Variants in SRSF3 observed in about 807,000 individuals in gnomAD.
SRSF3 encodes serine/arginine-rich splicing factor 3.
For missense variants in SRSF3, 58 were observed against 217.1 expected, an observed-to-expected ratio of 0.27 and a Z score of 4.61; for synonymous variants, 87 against 73.6, an observed-to-expected ratio of 1.18 and a Z score of -0.93.
intron 4 of SRSF3, 41 bp downstream of exon 4, chr6:36,601,231 A>G: frequency 6.2e-7 from 1 of 1,609,678 alleles, no homozygotes; most frequent in Admixed American, 1.7e-5. Context: ...TAGAAATGGC[A>G]GTGTTTCTGC....
In SRSF3 at chr6:36,602,730, A is replaced by G. The variant is rs1392956434; in HGVS notation, c.*741A>G. The G allele has an allele frequency of 3.8e-5, 8 of 211,374 alleles. No individual in the cohort carries two copies. Among genetic ancestry groups the G allele is most frequent in the Non-Finnish European group, 6.7e-5 (7 of 104,078 alleles). The allele number at this position is 211,374 out of a possible 1,614,324, so 13.1% of individuals were successfully genotyped here. A position where few individuals can be genotyped will look rare whatever the true frequency, so the allele number is the denominator to read the frequency against. On this transcript the variant is annotated 3_prime_UTR_variant, in exon 6 of 6. Transcript: ENST00000373715. Reference sequence around the variant, plus strand: ...TTTTTTTTTCATGCTGTCATTTGTAATATGTTTTGTGAGAATCCTTGGGAT... The same window carrying G: ...TTTTTTTTTCATGCTGTCATTTGTAGTATGTTTTGTGAGAATCCTTGGGAT...
intron 2 of SRSF3, 27 bp downstream of exon 2, chr6:36,596,995 A>C: frequency 6.2e-7 from 1 of 1,607,478 alleles, no homozygotes; most frequent in Non-Finnish European, 8.5e-7. Flanking sequence ...GCTGATAAAA[A>C]TGTGTTGCTT....
intron 1 of SRSF3, among the ~76,000 whole-genome samples, chr6:36,596,245 A>AC (rs1213218979): frequency 6.6e-6 from 1 of 152,070 alleles, no homozygotes; most frequent in Non-Finnish European, 1.5e-5. Flanking sequence ...TTTAAAAGTG[A>AC]AAATCGTTGG....
At chr6:36,597,623 AT>A (rs1193752249) in intron 2 of SRSF3, among the ~76,000 whole-genome samples, 4 of 151,528 alleles carry the variant, frequency 2.6e-5, no homozygotes, top group Non-Finnish European at 4.4e-5. Flanking sequence ...CTTTCCTCAT[AT>A]TTGGAAGTAT....
rs146505181 is a variant in SRSF3 at position 36,603,172 on chromosome 6, A to G, written c.*1183A>G. On this transcript the variant is annotated 3_prime_UTR_variant, in exon 6 of 6. Transcript: ENST00000373715. ...AGCAGCAACCTGGTTCTTAAACACA[A>G]AGTAAGTTGCCCATTAACAAATGGC... is the stretch of plus-strand genomic sequence containing the variant. The G allele has an allele frequency of 4.2e-4, 94 of 223,870 alleles. No homozygotes were observed. The Admixed American group carries it at 4.3e-3, about 10-fold the overall frequency. 13.9% of individuals were successfully genotyped at this position (223,870 alleles called of 1,614,324 possible).
chr6:36,597,094 G>GTT, intron 2 of SRSF3, 126 bp downstream of exon 2: 11 of 614,060 alleles, frequency 1.8e-5, no homozygotes, highest in Admixed American at 3.2e-5. Context: ...ATACAATTGG[G>GTT]ATCTTTTTTT....
intron 2 of SRSF3, among the ~76,000 whole-genome samples, chr6:36,597,398 G>A (rs2127505102): frequency 6.6e-6 from 1 of 152,240 alleles, no homozygotes; most frequent in African/African-American, 2.4e-5. Flanking sequence ...GAGCCACTGT[G>A]CCCAGCCAGG....
In SRSF3 at chr6:36,601,161, A is replaced by G. The variant is rs1461426127; in HGVS notation, c.351A>G (p.Arg117=). 2.5e-6 allele frequency: 4 copies of G among 1,613,216 alleles called. No homozygotes were observed. The highest frequency in any genetic ancestry group is 2.7e-5 in the African/African-American group (2 of 74,762). ...RSPPPRRRSP[R]RRSFSRSRSR... ...CTGTTTCTGCTTTTAGATCTCCAAGAAGGAGAAGCTTCTCTCGCAGCCGGA... is the reference window on the plus strand; with the variant it reads ...CTGTTTCTGCTTTTAGATCTCCAAGGAGGAGAAGCTTCTCTCGCAGCCGGA... The change falls in exon 4 of 6, where the codon AGA becomes AGG. Residue 117 remains arginine, a synonymous_variant. Coordinates refer to ENST00000373715, the MANE Select transcript of SRSF3 (RefSeq NM_003017.5).
At chr6:36,597,077 T>G (rs1401170827) in intron 2 of SRSF3, 109 bp downstream of exon 2, 2 of 769,900 alleles carry the variant, frequency 2.6e-6, no homozygotes, top group Non-Finnish European at 4.3e-6. Context: ...GCCAATTGTA[T>G]CTTTAGATAC....
intron 2 of SRSF3, among the ~76,000 whole-genome samples, chr6:36,597,455 A>T (rs1172928658): frequency 6.6e-6 from 1 of 152,138 alleles, no homozygotes; most frequent in Non-Finnish European, 1.5e-5. Flanking sequence ...TGTTTAAAAA[A>T]TTGTTTACAA....
At chr6:36,600,037 C>T in intron 3 of SRSF3, 1 of 1,241,214 alleles carries the variant, frequency 8.1e-7, no homozygotes, top group Non-Finnish European at 1.0e-6. Context: ...CGGCAGCAGC[C>T]ACCTCGACCG....
intron 1 of SRSF3, among the ~76,000 whole-genome samples, chr6:36,595,528 A>G (rs1054955682): frequency 6.6e-6 from 1 of 152,236 alleles, no homozygotes; most frequent in African/African-American, 2.4e-5. Context: ...AGTCCCTAGC[A>G]ACCACTAATC....
chr6:36,596,091 A>ATT (rs140081610), intron 1 of SRSF3, among the ~76,000 whole-genome samples: 4,006 of 152,050 alleles, frequency 0.026, 61 homozygotes, highest in African/African-American at 0.039. Context: ...TGCCCGGCTA[A>ATT]TTTTTGTATT....
Position 36,604,696 on chromosome 6 carries a change from T to C in SRSF3, c.*2707T>C, listed in dbSNP as rs1778782679. On this transcript the variant is annotated 3_prime_UTR_variant, in exon 6 of 6. Transcript: ENST00000373715. The stretch of plus-strand genomic sequence containing the variant: ...GTGGATGGAAAATCCAGGTTATTAC[T>C]ACATTCATTTTAGTACAGTGCTGCC... The C allele has an allele frequency of 6.4e-6, 1 of 156,074 alleles. No individual in the cohort carries two copies. The highest frequency in any genetic ancestry group is 2.4e-5 in the African/African-American group (1 of 41,592). 9.7% of individuals were successfully genotyped at this position (156,074 alleles called of 1,614,324 possible).
rs1778741902 is a variant in SRSF3 at position 36,602,921 on chromosome 6, G to A, written c.*932G>A. 4.7e-6 allele frequency: 1 copy of A among 213,706 alleles called. No individual in the cohort carries two copies. Among genetic ancestry groups the A allele is most frequent in the African/African-American group, 2.3e-5 (1 of 44,218 alleles). The allele number at this position is 213,706 out of a possible 1,614,324, so 13.2% of individuals were successfully genotyped here. ...ATTAATAAAATATTAGCATAATTGT[G>A]TATAGTCAGTTGAACCCACTGTTAC... On this transcript the variant is annotated 3_prime_UTR_variant, in exon 6 of 6. Coordinates refer to ENST00000373715, the MANE Select transcript of SRSF3 (RefSeq NM_003017.5).
intron 2 of SRSF3, among the ~76,000 whole-genome samples, chr6:36,597,340 A>G (rs1234168251): frequency 6.6e-6 from 1 of 152,092 alleles, no homozygotes; most frequent in Non-Finnish European, 1.5e-5. Context: ...TCCTGACCCC[A>G]GGTGATCTGA....
intron 1 of SRSF3, among the ~76,000 whole-genome samples, chr6:36,595,485 A>G (rs1582508074): frequency 6.6e-6 from 1 of 152,140 alleles, no homozygotes; most frequent in East Asian, 1.9e-4. Flanking sequence ...CCCATTGAGC[A>G]CTTACTCCCA....
intron 5 of SRSF3, 29 bp from the exon 6 acceptor site, chr6:36,601,928 ATGTTT>A (rs769414582): frequency 1.9e-5 from 30 of 1,558,950 alleles, no homozygotes; most frequent in Middle Eastern, 1.8e-4. Context: ...TACAGATGTA[ATGTTT>A]TGTTTTCTTT....
Position 36,602,299 on chromosome 6 carries a change from AGT to A in SRSF3, c.*315_*316del, listed in dbSNP as rs1778730637. 2.9e-6 allele frequency: 1 copy of A among 350,186 alleles called. No individual in the cohort carries two copies. Among genetic ancestry groups the A allele is most frequent in the Non-Finnish European group, 5.0e-6 (1 of 200,592 alleles). The allele number at this position is 350,186 out of a possible 1,614,324, so 21.7% of individuals were successfully genotyped here. ...TAAACCTCTAAACCTGCCCAGCGGA[AGT>A]GTGTTTTTTTTTAAATTTAAATACA... On this transcript the variant is annotated 3_prime_UTR_variant, in exon 6 of 6. Coordinates refer to ENST00000373715, the MANE Select transcript of SRSF3 (RefSeq NM_003017.5).
Sources: gnomAD v4.1 joint callset for allele counts (sites outside exome capture counted in the v4.1 genomes callset) on GRCh38, gnomAD v4.1.1 for gene constraint, MANE v1.5 for transcripts, NCBI Gene and HGNC (gene_info 2026-07-23, HGNC 2026-07-21) for gene names.